The following CFAP299 variants were observed in gnomAD, a reference collection of about 807,000 sequenced individuals.
CFAP299 encodes the protein cilia- and flagella-associated protein 299.
CFAP299 carries 21 observed loss-of-function variants against 27.0 expected under a neutral mutation model. That is an observed-to-expected ratio of 0.78 (90% confidence interval 0.55 to 1.12). The LOEUF (loss-of-function observed/expected upper bound fraction) is 1.12, where lower values mean the gene tolerates loss of function less well. CFAP299 is among the 50% of genes most tolerant of loss of function. The pLI is 0.00. For synonymous variants in CFAP299, 104 were observed against 98.1 expected, an observed-to-expected ratio of 1.06 and a Z score of -0.36; for missense variants, 310 against 276.6, an observed-to-expected ratio of 1.12 and a Z score of -0.86.
intron 3 of CFAP299, among the ~76,000 whole-genome samples, chr4:80,805,962 C>T (rs1159186974): frequency 1.3e-5 from 2 of 152,050 alleles, no homozygotes; most frequent in East Asian, 3.8e-4. Flanking sequence ...TCAAGGATTT[C>T]ATAATATACT....
chr4:80,666,606 T>A (rs1741152056), intron 3 of CFAP299, among the ~76,000 whole-genome samples: 1 of 152,204 alleles, frequency 6.6e-6, no homozygotes, highest in African/African-American at 2.4e-5. Flanking sequence ...GTTCATCAAA[T>A]TTAGCTTTTC....
At chr4:80,852,229 A>G (rs372527805) in intron 3 of CFAP299, among the ~76,000 whole-genome samples, 6 of 152,284 alleles carry the variant, frequency 3.9e-5, no homozygotes, top group Admixed American at 2.6e-4. Context: ...TCAAAGTGCA[A>G]TTCCCTTGAT....
intron 2 of CFAP299, among the ~76,000 whole-genome samples, chr4:80,545,732 C>G (rs769384078): frequency 6.6e-6 from 1 of 152,308 alleles, no homozygotes; most frequent in East Asian, 1.9e-4. Context: ...GGACTCCTCT[C>G]TAACTCATCC....
At chr4:80,906,754 G>T (rs1156247487) in intron 4 of CFAP299, among the ~76,000 whole-genome samples, 1 of 152,052 alleles carries the variant, frequency 6.6e-6, no homozygotes, top group East Asian at 1.9e-4. Context: ...TGAATCAGCT[G>T]GGACACAGAG....
At chr4:80,344,383 A>G (rs1481525248) in intron 1 of CFAP299, among the ~76,000 whole-genome samples, 1 of 151,298 alleles carries the variant, frequency 6.6e-6, no homozygotes, top group Non-Finnish European at 1.5e-5. Context: ...TTCGTGCAGA[A>G]AATAGAAAAT....
At chr4:80,758,038 C>A (rs1173102865) in intron 3 of CFAP299, among the ~76,000 whole-genome samples, 1 of 152,114 alleles carries the variant, frequency 6.6e-6, no homozygotes, top group Non-Finnish European at 1.5e-5. Flanking sequence ...CCCTGAAGCC[C>A]CAGAAGAAGG....
At chr4:80,574,167 C>A (rs1735732250) in intron 2 of CFAP299, among the ~76,000 whole-genome samples, 1 of 151,814 alleles carries the variant, frequency 6.6e-6, no homozygotes, top group Non-Finnish European at 1.5e-5. Context: ...TTGTAGAGAT[C>A]CTTCATTTAT....
rs1264455151 is a variant in CFAP299, at chr4:80,386,420, C to T, written c.242+23536C>T. On this transcript the variant is annotated intron_variant, in intron 2 of 5. Transcript: ENST00000358105. ...GACCAGCCCCTGTGTCCTTCATCTC[C>T]TCCAGCCCCAGCGGGTCAGGCAAGG... The T allele has an allele frequency of 3.2e-6, 5 of 1,545,882 alleles. No homozygotes were observed. In the Admixed American group the frequency reaches 9.2e-5, roughly 28 times the overall value.
At chr4:80,540,919 C>G (rs894511590) in intron 2 of CFAP299, among the ~76,000 whole-genome samples, 4 of 152,076 alleles carry the variant, frequency 2.6e-5, no homozygotes, top group Non-Finnish European at 5.9e-5. Context: ...CTCATCTGTT[C>G]CTTTGATGGG....
At chr4:80,753,893 A>G (rs753671233) in intron 3 of CFAP299, among the ~76,000 whole-genome samples, 1 of 152,084 alleles carries the variant, frequency 6.6e-6, no homozygotes, top group African/African-American at 2.4e-5. Flanking sequence ...ACCCCCCTAA[A>G]TCTTCATGCT....
chr4:80,729,716 C>G (rs1269165091), intron 3 of CFAP299, among the ~76,000 whole-genome samples: 1 of 150,204 alleles, frequency 6.7e-6, no homozygotes, highest in East Asian at 2.0e-4. Flanking sequence ...TCTCCTGCCT[C>G]AGCCTCCCGA....
At chr4:80,393,075 G>GATGAT (rs1725578160) in intron 2 of CFAP299, among the ~76,000 whole-genome samples, 1 of 152,064 alleles carries the variant, frequency 6.6e-6, no homozygotes, top group African/African-American at 2.4e-5. Flanking sequence ...CTGACCCTGT[G>GATGAT]TAGGCTTAGG....
intron 3 of CFAP299, among the ~76,000 whole-genome samples, chr4:80,631,488 T>C (rs1248432379): frequency 6.6e-6 from 1 of 152,122 alleles, no homozygotes; most frequent in Non-Finnish European, 1.5e-5. Flanking sequence ...TGTTTGCATT[T>C]CTTCCTTTTT....
At chr4:80,749,091 A>G (rs1332479057) in intron 3 of CFAP299, among the ~76,000 whole-genome samples, 1 of 152,176 alleles carries the variant, frequency 6.6e-6, no homozygotes, top group Non-Finnish European at 1.5e-5. Flanking sequence ...ATATCCTGAG[A>G]TCTACTGTAT....
intron 3 of CFAP299, among the ~76,000 whole-genome samples, chr4:80,595,928 G>A (rs755331948): frequency 5.3e-5 from 8 of 152,122 alleles, no homozygotes; most frequent in Admixed American, 4.6e-4. Flanking sequence ...TTGACAGTGC[G>A]TGCAATACAT....
chr4:80,345,329 G>T (rs927022702), intron 1 of CFAP299, among the ~76,000 whole-genome samples: 2 of 151,764 alleles, frequency 1.3e-5, no homozygotes, highest in Admixed American at 6.6e-5. Context: ...TAACGTGCAG[G>T]TTTGTTACAT....
intron 3 of CFAP299, among the ~76,000 whole-genome samples, chr4:80,602,058 C>A (rs1737380648): frequency 6.6e-6 from 1 of 152,084 alleles, no homozygotes; most frequent in African/African-American, 2.4e-5. Context: ...TGGGGTCTAT[C>A]ACAGAGTGGA....
At chr4:80,653,960 G>A (rs1055855537) in intron 3 of CFAP299, among the ~76,000 whole-genome samples, 4 of 152,070 alleles carry the variant, frequency 2.6e-5, no homozygotes, top group Non-Finnish European at 4.4e-5. Flanking sequence ...TTATATATAT[G>A]TGGGTATGCA....
intron 2 of CFAP299, among the ~76,000 whole-genome samples, chr4:80,365,690 C>T (rs771759132): frequency 6.6e-6 from 1 of 152,140 alleles, no homozygotes; most frequent in Non-Finnish European, 1.5e-5. Flanking sequence ...GAGAATCAGT[C>T]AATGTCTATC....
Sources: gnomAD v4.1 joint callset for allele counts (sites outside exome capture counted in the v4.1 genomes callset) on GRCh38, gnomAD v4.1.1 for gene constraint, MANE v1.5 for transcripts, NCBI Gene and HGNC (gene_info 2026-07-23, HGNC 2026-07-21) for gene names.